The following PYROXD2 variants were observed in gnomAD, a reference collection of about 807,000 sequenced individuals.
The protein encoded by PYROXD2 is pyridine nucleotide-disulphide oxidoreductase domain 2.
PYROXD2 carries 69 observed loss-of-function variants against 71.1 expected under a neutral mutation model. That is an observed-to-expected ratio of 0.97 (90% CI 0.80 to 1.19). The LOEUF (loss-of-function observed/expected upper bound fraction) is 1.19, where lower values mean the gene tolerates loss of function less well. Ranked by LOEUF, PYROXD2 falls within the 50% of genes most tolerant of loss-of-function variation. The pLI is 0.00. For synonymous variants in PYROXD2, 287 were observed against 302.7 expected (o/e 0.95, Z 0.54); for missense variants, 745 against 748.9 (o/e 0.99, Z 0.06).
At chr10:98,400,335 G>A (rs1843351439) in intron 4 of PYROXD2, 78 bp from the exon 5 acceptor site, 2 of 1,414,388 alleles carry the variant, frequency 1.4e-6, no homozygotes, top group Non-Finnish European at 9.6e-7. Context: ...GATTGTGTTT[G>A]TGTGACCATT....
chr10:98,384,843 C>T, intron 15 of PYROXD2, 104 bp downstream of exon 15: 1 of 1,432,884 alleles, frequency 7.0e-7, no homozygotes, highest in Non-Finnish European at 9.1e-7. Flanking sequence ...CTGCTCCCCT[C>T]CCTCTCTGCC....
At chr10:98,405,904 A>G (rs1276761490) in intron 4 of PYROXD2, among the ~76,000 whole-genome samples, 12 of 152,204 alleles carry the variant, frequency 7.9e-5, no homozygotes, top group Non-Finnish European at 1.5e-5. Context: ...TGATTATAAC[A>G]TGGCTCTTGA....
chr10:98,388,567 T>C, intron 12 of PYROXD2, 59 bp from the exon 13 acceptor site: 2 of 1,449,030 alleles, frequency 1.4e-6, no homozygotes, highest in Non-Finnish European at 1.8e-6. Context: ...GGGTAGGGCA[T>C]CCGAGATGAC....
chr10:98,404,186 G>A (rs944255665), intron 4 of PYROXD2, among the ~76,000 whole-genome samples: 2 of 148,644 alleles, frequency 1.3e-5, no homozygotes. Flanking sequence ...GTCAATCGCC[G>A]AGTTTTGGCC....
chr10:98,400,851 T>C (rs1234625125), intron 4 of PYROXD2, among the ~76,000 whole-genome samples: 1 of 152,244 alleles, frequency 6.6e-6, no homozygotes, highest in Non-Finnish European at 1.5e-5. Flanking sequence ...CTAGATCTGA[T>C]AGCCTACCAC....
intron 14 of PYROXD2, among the ~76,000 whole-genome samples, chr10:98,385,822 A>G (rs1416415342): frequency 1.3e-5 from 2 of 152,144 alleles, no homozygotes; most frequent in Non-Finnish European, 1.5e-5. Context: ...ACTGTCACCA[A>G]GGCTTCTCAA....
intron 1 of PYROXD2, 137 bp from the exon 2 acceptor site, chr10:98,411,095 C>G: frequency 8.1e-7 from 1 of 1,237,756 alleles, no homozygotes; most frequent in Non-Finnish European, 1.1e-6. Context: ...CCCCTTCCCG[C>G]ACTCAGATGT....
At position 98,415,083 on chromosome 10, in the gene PYROXD2, G is replaced by T. The variant is rs748020237; in HGVS notation, c.53C>A (p.Pro18Gln). ...LCKAVAASPF[P>Q]AWRRDNTEAR... ...TTCCGTGTTATCTCGTCTCCACGCC[G>T]GGAAGGGAGAGGCGGCCACAGCCTT... Residue 18 changes from proline (P) to glutamine (Q), a missense_variant, in exon 1 of 16, where the codon CCG becomes CAG. By Grantham distance (76) the Pro-to-Gln change is moderately conservative. Coordinates refer to ENST00000370575, the MANE Select transcript of PYROXD2 (RefSeq NM_032709.3). 6.2e-7 allele frequency: 1 copy of T among 1,614,024 alleles called. No individual in the cohort carries two copies. Among genetic ancestry groups the T allele is most frequent in the Admixed American group, 1.7e-5 (1 of 60,002 alleles).
chr10:98,395,584 G>T (rs1039094701), intron 6 of PYROXD2, 132 bp from the exon 7 acceptor site: 69 of 743,236 alleles, frequency 9.3e-5, no homozygotes, highest in Non-Finnish European at 9.0e-5. Context: ...GCCAATGCAG[G>T]GACAGATCCA....
intron 13 of PYROXD2, among the ~76,000 whole-genome samples, chr10:98,387,633 T>G (rs768528436): frequency 0.012 from 575 of 48,116 alleles, 4 homozygotes; most frequent in South Asian, 0.016. Context: ...TGTTTTTTTT[T>G]TTTTTTTTTT....
Position 98,397,503 on chromosome 10 carries a change from A to C in PYROXD2, c.472-5T>G, listed in dbSNP as rs764542138. 2.5e-6 allele frequency: 4 copies of C among 1,592,182 alleles called. No homozygotes were observed. The South Asian group carries it at 4.5e-5, about 18-fold the overall frequency. On this transcript the variant is annotated splice_region_variant and splice_polypyrimidine_tract_variant and intron_variant, in intron 5 of 15. Transcript: ENST00000370575. Reference sequence around the variant, plus strand: ...CTCCTCATATTTGGGAAAGACCTGGAACAGAGCTCTGCATTAAGGCCCCAC... The same window carrying C: ...CTCCTCATATTTGGGAAAGACCTGGCACAGAGCTCTGCATTAAGGCCCCAC...
chr10:98,402,643 C>A (rs1442004082), intron 4 of PYROXD2, among the ~76,000 whole-genome samples: 1 of 152,254 alleles, frequency 6.6e-6, no homozygotes, highest in African/African-American at 2.4e-5. Flanking sequence ...TGTCGAGAGG[C>A]TTCCTTCTCC....
intron 4 of PYROXD2, among the ~76,000 whole-genome samples, chr10:98,406,258 G>A (rs776477798): frequency 5.9e-5 from 9 of 152,198 alleles, no homozygotes; most frequent in Admixed American, 3.9e-4. Flanking sequence ...AATAAGTAAC[G>A]TTTTTTAAAG....
chr10:98,401,399 G>C (rs1843405354), intron 4 of PYROXD2, among the ~76,000 whole-genome samples: 1 of 152,114 alleles, frequency 6.6e-6, no homozygotes, highest in South Asian at 2.1e-4. Context: ...TGAGTGGTGA[G>C]TGACTGAAGG....
At chr10:98,386,687 A>C (rs1842764871) in intron 14 of PYROXD2, among the ~76,000 whole-genome samples, 1 of 151,698 alleles carries the variant, frequency 6.6e-6, no homozygotes, top group Non-Finnish European at 1.5e-5. Flanking sequence ...GGTAGCTGGA[A>C]CCACAGGTAC....
Position 98,391,044 on chromosome 10 carries a change from C to A in PYROXD2, c.1101G>T (p.Gln367His). The A allele has an allele frequency of 1.2e-6, 2 of 1,613,500 alleles. No homozygotes were observed. Among genetic ancestry groups the A allele is most frequent in the Non-Finnish European group, 1.7e-6 (2 of 1,179,578 alleles). ...TGGTGACAGGCGACCGGGTGTCCAGCTGAGAGATTCTCTCCAGGAACTCCT... is the reference window on the plus strand; with the variant it reads ...TGGTGACAGGCGACCGGGTGTCCAGATGAGAGATTCTCTCCAGGAACTCCT... ...LPEEFLERIS[Q>H]LDTRSPVTKI... The change falls in exon 11 of 16, where the codon CAG becomes CAT. Residue 367 changes from glutamine to histidine, a missense_variant. Coordinates refer to ENST00000370575, the MANE Select transcript of PYROXD2 (RefSeq NM_032709.3).
chr10:98,387,022 C>T (rs1252981713), intron 14 of PYROXD2, among the ~76,000 whole-genome samples, 179 bp downstream of exon 14: 1 of 152,180 alleles, frequency 6.6e-6, no homozygotes, highest in East Asian at 1.9e-4. Context: ...CACTAGGGAT[C>T]CCCCATTCCC....
At chr10:98,394,957 A>G (rs541961328) in intron 8 of PYROXD2, among the ~76,000 whole-genome samples, 1 of 152,270 alleles carries the variant, frequency 6.6e-6, no homozygotes, top group East Asian at 1.9e-4. Flanking sequence ...GCTGGAAATC[A>G]GCCTTGCCAC....
chr10:98,383,657 A>C lies in PYROXD2; in HGVS notation c.*141T>G. 1 of 736,782 alleles carries C rather than the reference A, an allele frequency of 1.4e-6. No homozygotes were observed. The allele number at this position is 736,782 out of a possible 1,614,324, so 45.6% of individuals were successfully genotyped here. A position where few individuals can be genotyped will look rare whatever the true frequency, so the allele number is the denominator to read the frequency against. On this transcript the variant is annotated 3_prime_UTR_variant, in exon 16 of 16. Transcript: ENST00000370575. The stretch of plus-strand genomic sequence containing the variant: ...TCAACTTGCACTAAATGTAACTCGT[A>C]CGTTTTTTCTAAAATAATTTCTTGA...
Sources: allele counts gnomAD v4.1 joint callset (sites outside exome capture counted in the v4.1 genomes callset), GRCh38; gene constraint gnomAD v4.1.1; transcripts MANE v1.5; gene names NCBI Gene and HGNC (gene_info 2026-07-23, HGNC 2026-07-21).